DCC: variants seen among roughly 807,000 people sequenced by gnomAD.
DCC encodes the protein netrin receptor DCC.
A neutral mutation model predicts 172.5 loss-of-function variants in DCC; 58 were observed. That is an observed-to-expected ratio of 0.34 (90% CI 0.27 to 0.42). The LOEUF (loss-of-function observed/expected upper bound fraction) is 0.42, where lower values mean the gene tolerates loss of function less well. Among genes scored for constraint, DCC ranks in the 10% least tolerant of loss-of-function variants. The pLI is 1.00. For synonymous variants in DCC, 709 were observed against 644.5 expected (o/e 1.10, Z -1.52); for missense variants, 1,740 against 1,791.0 (o/e 0.97, Z 0.51).
chr18:52,897,660 A>T (rs1321640542), intron 2 of DCC, among the ~76,000 whole-genome samples: 1 of 152,120 alleles, frequency 6.6e-6, no homozygotes, highest in Non-Finnish European at 1.5e-5. Context: ...TTTCCCTTTG[A>T]CATCCTTTAG....
chr18:53,400,890 A>G (rs1279864170), intron 18 of DCC, among the ~76,000 whole-genome samples: 2 of 152,202 alleles, frequency 1.3e-5, no homozygotes, highest in Non-Finnish European at 2.9e-5. Context: ...CTAAACAAAC[A>G]TCAATTTGAA....
intron 1 of DCC, among the ~76,000 whole-genome samples, chr18:52,358,998 G>T (rs781622626): frequency 6.6e-6 from 1 of 152,106 alleles, no homozygotes; most frequent in Admixed American, 6.5e-5. Context: ...AATCCTCCAT[G>T]ACAACAATTC....
chr18:53,529,003 T>TTCTCTCTCTCTCTCTC (rs144580817), intron 28 of DCC, among the ~76,000 whole-genome samples: 3 of 101,090 alleles, frequency 3.0e-5, no homozygotes, highest in Admixed American at 1.0e-4. Flanking sequence ...TCACTTCAAC[T>TTCTCTCTCTCTCTCTC]TCTCTCTCTC....
intron 12 of DCC, among the ~76,000 whole-genome samples, chr18:53,242,482 A>G (rs180810053): frequency 1.3e-5 from 2 of 152,266 alleles, no homozygotes; most frequent in African/African-American, 4.8e-5. Flanking sequence ...AAATATACAA[A>G]ATGACCTACT....
Position 53,305,583 on chromosome 18 carries a change from C to T in DCC, c.1917C>T (p.Ile639=), listed in dbSNP as rs2057190379. Residue 639 remains isoleucine (I), a synonymous_variant, in exon 13 of 29, where the codon ATC becomes ATT. Transcript: ENST00000442544. Reference sequence around the variant, plus strand: ...TTACACCTATTATTTTACAGAGTATCAAAGTTAGCTGGCTGCCTCCTCCAT... The same window carrying T: ...TTACACCTATTATTTTACAGAGTATTAAAGTTAGCTGGCTGCCTCCTCCAT... The part of the protein sequence containing the change: ...VSLEVVNSRS[I]KVSWLPPPSG... The T allele has an allele frequency of 6.2e-7, 1 of 1,611,164 alleles. No individual in the cohort carries two copies. Among genetic ancestry groups the T allele is most frequent in the South Asian group, 1.1e-5 (1 of 91,004 alleles).
At chr18:52,770,672 A>G (rs1379700091) in intron 2 of DCC, among the ~76,000 whole-genome samples, 1 of 152,198 alleles carries the variant, frequency 6.6e-6, no homozygotes, top group Non-Finnish European at 1.5e-5. Flanking sequence ...GCTCAAGATT[A>G]CTGGAGCCCA....
chr18:52,932,268 C>T (rs1047116395), intron 5 of DCC, among the ~76,000 whole-genome samples: 1 of 152,096 alleles, frequency 6.6e-6, no homozygotes, highest in African/African-American at 2.4e-5. Flanking sequence ...TGAACATATC[C>T]TTTTCTGTAT....
At position 52,561,568 on chromosome 18, in the gene DCC, C is replaced by T. The variant is rs4640279; in HGVS notation, c.92-190486C>T. Among the ~76,000 whole-genome samples the T allele has an allele frequency of 9.4e-3, 1,422 of 152,034 alleles. 20 individuals carry two copies. The highest frequency in any genetic ancestry group is 0.031 in the African/African-American group (1,291 of 41,468). On this transcript the variant is annotated intron_variant, in intron 1 of 28. Coordinates refer to ENST00000442544, the MANE Select transcript of DCC (RefSeq NM_005215.4). ...ATACTTTAAATATTATGAGTGTGCTCGAAAAAGCGAATGTGGAAACACTAA... is the reference window on the plus strand; with the variant it reads ...ATACTTTAAATATTATGAGTGTGCTTGAAAAAGCGAATGTGGAAACACTAA...
At chr18:52,802,775 G>A (rs963937270) in intron 2 of DCC, among the ~76,000 whole-genome samples, 3 of 145,000 alleles carry the variant, frequency 2.1e-5, no homozygotes, top group Admixed American at 7.2e-5. Context: ...CAAAGTGTAA[G>A]GATTACAGAC....
chr18:52,376,839 T>C (rs1261178518), intron 1 of DCC, among the ~76,000 whole-genome samples: 9 of 152,156 alleles, frequency 5.9e-5, no homozygotes, highest in Non-Finnish European at 1.5e-5. Flanking sequence ...CAAAACAACA[T>C]TCAAAGACGC....
chr18:52,681,140 C>T (rs2035743393), intron 1 of DCC, among the ~76,000 whole-genome samples: 1 of 151,936 alleles, frequency 6.6e-6, no homozygotes, highest in Non-Finnish European at 1.5e-5. Flanking sequence ...GCTGTTAGTC[C>T]CATTTTACAG....
intron 7 of DCC, among the ~76,000 whole-genome samples, chr18:53,079,125 G>A (rs2042763150): frequency 6.6e-6 from 1 of 152,006 alleles, no homozygotes; most frequent in African/African-American, 2.4e-5. Context: ...TAAGGAAAAG[G>A]GAATAAAAGT....
At chr18:53,231,266 C>A (rs1376278944) in intron 12 of DCC, among the ~76,000 whole-genome samples, 2 of 151,976 alleles carry the variant, frequency 1.3e-5, no homozygotes, top group East Asian at 3.9e-4. Context: ...TCAAACTAAG[C>A]AAACATTTGT....
intron 2 of DCC, among the ~76,000 whole-genome samples, chr18:52,800,687 T>C (rs1386727681): frequency 6.6e-6 from 1 of 152,216 alleles, no homozygotes; most frequent in Non-Finnish European, 1.5e-5. Context: ...AAAATGTACA[T>C]TGTGTTAACG....
At chr18:53,054,349 T>C (rs1192916311) in intron 5 of DCC, among the ~76,000 whole-genome samples, 2 of 151,986 alleles carry the variant, frequency 1.3e-5, no homozygotes, top group African/African-American at 4.8e-5. Flanking sequence ...AATATATATA[T>C]AAATATAAAT....
intron 1 of DCC, among the ~76,000 whole-genome samples, chr18:52,647,090 T>A (rs1341877004): frequency 6.6e-6 from 1 of 152,212 alleles, no homozygotes; most frequent in Non-Finnish European, 1.5e-5. Flanking sequence ...ACATGTTCTT[T>A]AACACCACAG....
intron 7 of DCC, among the ~76,000 whole-genome samples, chr18:53,066,425 G>GTATATA (rs147709000): frequency 7.5e-5 from 10 of 133,896 alleles, no homozygotes; most frequent in African/African-American, 2.7e-4. Flanking sequence ...GTGTGTTTGT[G>GTATATA]TATATATATA....
intron 27 of DCC, among the ~76,000 whole-genome samples, chr18:53,525,194 A>G (rs2046441225): frequency 6.6e-6 from 1 of 152,124 alleles, no homozygotes; most frequent in Non-Finnish European, 1.5e-5. Flanking sequence ...AAGAAATTGC[A>G]CAGATCTAAA....
At chr18:52,685,031 T>C (rs2035808049) in intron 1 of DCC, among the ~76,000 whole-genome samples, 1 of 152,138 alleles carries the variant, frequency 6.6e-6, no homozygotes, top group Non-Finnish European at 1.5e-5. Flanking sequence ...TTGATTCTTA[T>C]GTTCCAAAGA....
Sources: allele counts gnomAD v4.1 joint callset (sites outside exome capture counted in the v4.1 genomes callset), GRCh38; gene constraint gnomAD v4.1.1; transcripts MANE v1.5; gene names NCBI Gene and HGNC (gene_info 2026-07-23, HGNC 2026-07-21).